CD86: variants seen among roughly 807,000 people sequenced by gnomAD.
The protein encoded by CD86 is T-lymphocyte activation antigen CD86.
Under a neutral mutation model 32.1 loss-of-function variants are expected in CD86, and 11 were observed. That is an observed-to-expected ratio of 0.34 (90% CI 0.22 to 0.57). The LOEUF (loss-of-function observed/expected upper bound fraction) is 0.57, where lower values mean the gene tolerates loss of function less well. CD86 is among the 20% of genes least tolerant of loss of function. The pLI, the probability that CD86 is intolerant of heterozygous loss-of-function variation, is 0.86. For synonymous variants in CD86, 137 were observed against 135.3 expected, an observed-to-expected ratio of 1.01 and a Z score of -0.09; for missense variants, 359 against 398.4, an observed-to-expected ratio of 0.90 and a Z score of 0.84.
At chr3:122,106,991 C>T (rs1219845484) in intron 4 of CD86, among the ~76,000 whole-genome samples, 1 of 152,022 alleles carries the variant, frequency 6.6e-6, no homozygotes, top group Non-Finnish European at 1.5e-5. Flanking sequence ...TGAGGACCTT[C>T]CAATAGAATC....
chr3:122,075,993 G>C (rs2072549641), intron 1 of CD86, among the ~76,000 whole-genome samples: 1 of 152,142 alleles, frequency 6.6e-6, no homozygotes, highest in Admixed American at 6.5e-5. Flanking sequence ...GCTCAGAGAG[G>C]TTAAATAACT....
At chr3:122,057,145 G>A (rs2072249718) in intron 1 of CD86, among the ~76,000 whole-genome samples, 1 of 152,188 alleles carries the variant, frequency 6.6e-6, no homozygotes, top group Non-Finnish European at 1.5e-5. Context: ...TTGTACCCTA[G>A]TTGCGCACTA....
chr3:122,103,696 G>A lies in CD86; in HGVS notation c.249G>A (p.Met83Ile), dbSNP rs1030574173. Residue 83 changes from methionine to isoleucine, a missense_variant, in exon 3 of 7, where the codon ATG (methionine) becomes ATA (isoleucine). Met to Ile is a conservative substitution (Grantham distance 10, BLOSUM62 1). Coordinates refer to ENST00000330540, the MANE Select transcript of CD86 (RefSeq NM_175862.5). ...EKFDSVHSKY[M>I]GRTSFDSDSW... ...TTGACAGTGTTCATTCCAAGTATATGGGCCGCACAAGTTTTGATTCGGACA... is the reference window on the plus strand; with the variant it reads ...TTGACAGTGTTCATTCCAAGTATATAGGCCGCACAAGTTTTGATTCGGACA... The A allele has an allele frequency of 3.1e-6, 5 of 1,613,930 alleles. No homozygotes were observed. The African/African-American group carries it at 6.7e-5, about 22-fold the overall frequency.
chr3:122,095,920 G>C (rs2072900183), intron 2 of CD86, among the ~76,000 whole-genome samples: 3 of 152,162 alleles, frequency 2.0e-5, no homozygotes, highest in African/African-American at 7.2e-5. Context: ...AGTGAAATTG[G>C]TATGGAACAG....
chr3:122,078,782 T>C (rs2072589459), intron 1 of CD86, among the ~76,000 whole-genome samples: 1 of 152,216 alleles, frequency 6.6e-6, no homozygotes, highest in Non-Finnish European at 1.5e-5. Flanking sequence ...AAATAGTTTT[T>C]GACAAAGGGA....
chr3:122,112,419 C>T (rs756731077), intron 5 of CD86, among the ~76,000 whole-genome samples: 9 of 151,972 alleles, frequency 5.9e-5, no homozygotes, highest in Admixed American at 2.6e-4. Flanking sequence ...CAGGTTCAAG[C>T]GATTCTCCTG....
intron 1 of CD86, among the ~76,000 whole-genome samples, chr3:122,079,808 A>G (rs549789261): frequency 3.9e-5 from 6 of 152,204 alleles, no homozygotes; most frequent in Admixed American, 6.5e-5. Context: ...TGAGACCTCA[A>G]CACCGGGAAG....
At chr3:122,071,118 T>C (rs1327484066) in intron 1 of CD86, among the ~76,000 whole-genome samples, 2 of 152,234 alleles carry the variant, frequency 1.3e-5, no homozygotes, top group African/African-American at 4.8e-5. Flanking sequence ...CCATTGTTGC[T>C]TCATTATTAT....
intron 2 of CD86, among the ~76,000 whole-genome samples, chr3:122,101,571 A>G (rs1422190769): frequency 6.7e-6 from 1 of 149,632 alleles, no homozygotes; most frequent in African/African-American, 2.5e-5. Context: ...GCAGCTAAAG[A>G]CGAAGTCATT....
chr3:122,055,389 G>GT lies in CD86; in HGVS notation c.-101_-100insT. On this transcript the variant is annotated 5_prime_UTR_variant, in exon 1 of 7. Coordinates refer to ENST00000330540, the MANE Select transcript of CD86 (RefSeq NM_175862.5). The stretch of plus-strand genomic sequence containing the variant: ...TCATTGCCGAGGAAGGCTTGCACAG[G>GT]GTGAAAGCTTTGCTTCTCTGCTGCT... 8.6e-7 allele frequency: 1 copy of GT among 1,163,876 alleles called. No individual in the cohort carries two copies. The highest frequency in any genetic ancestry group is 1.2e-5 in the South Asian group (1 of 80,668). 72.1% of individuals were successfully genotyped at this position (1,163,876 alleles called of 1,614,324 possible).
chr3:122,077,722 C>T (rs2072573660), intron 1 of CD86: 35 of 980,884 alleles, frequency 3.6e-5, no homozygotes, highest in Non-Finnish European at 4.2e-5. Flanking sequence ...CAGGGCTTTA[C>T]ACTCATGCTC....
Position 122,103,530 on chromosome 3 carries a change from T to C in CD86, c.83T>C (p.Ile28Thr), listed in dbSNP as rs539519506. 1 of 1,612,068 alleles carries C rather than the reference T, an allele frequency of 6.2e-7. No individual in the cohort carries two copies. Among genetic ancestry groups the C allele is most frequent in the Non-Finnish European group, 8.5e-7 (1 of 1,179,018 alleles). ...FLLSGAAPLK[I>T]QAYFNETADL... ...TTTTTAGGTGCTGCTCCTCTGAAGA[T>C]TCAAGCTTATTTCAATGAGACTGCA... Residue 28 changes from isoleucine (I) to threonine (T), a missense_variant, in exon 3 of 7, where the codon ATT (isoleucine) becomes ACT (threonine). Transcript: ENST00000330540.
chr3:122,061,713 G>A (rs894498488), intron 1 of CD86, among the ~76,000 whole-genome samples: 12 of 152,212 alleles, frequency 7.9e-5, no homozygotes, highest in Non-Finnish European at 1.5e-4. Context: ...AGGATGCGGA[G>A]AAACTGGATC....
rs374285784 is a variant in CD86, at chr3:122,059,038, G to A, written c.14+3535G>A. On this transcript the variant is annotated intron_variant, in intron 1 of 6. Coordinates refer to ENST00000330540, the MANE Select transcript of CD86 (RefSeq NM_175862.5). ...GGTATAGGAAGCAGAGTGGGTTTGC[G>A]CCAGGCAGAGAGAAAAGACAGATGG... Among the ~76,000 whole-genome samples the A allele has an allele frequency of 5.3e-5, 8 of 152,234 alleles. No individual in the cohort carries two copies. The East Asian group carries it at 5.8e-4, about 11-fold the overall frequency.
At chr3:122,066,329 C>T (rs2072412514) in intron 1 of CD86, among the ~76,000 whole-genome samples, 1 of 152,102 alleles carries the variant, frequency 6.6e-6, no homozygotes, top group Non-Finnish European at 1.5e-5. Flanking sequence ...GTGCATAGCT[C>T]AGAGTAGGAA....
At chr3:122,090,361 A>G (rs1303856368) in intron 1 of CD86, among the ~76,000 whole-genome samples, 1 of 152,238 alleles carries the variant, frequency 6.6e-6, no homozygotes, top group Non-Finnish European at 1.5e-5. Flanking sequence ...ATAGTTGTGC[A>G]TCTTTTCCTG....
At chr3:122,079,080 A>G (rs2072594237) in intron 1 of CD86, among the ~76,000 whole-genome samples, 1 of 152,258 alleles carries the variant, frequency 6.6e-6, no homozygotes. Context: ...TAAAAGACAT[A>G]AGGAAAAGCT....
intron 1 of CD86, chr3:122,078,041 G>A (rs2107513510): frequency 4.1e-6 from 4 of 985,642 alleles, no homozygotes; most frequent in South Asian, 4.7e-5. Flanking sequence ...AGGCATTTGT[G>A]ACAGGTATGT....
At chr3:122,090,602 T>C (rs1318847340) in intron 1 of CD86, among the ~76,000 whole-genome samples, 1 of 152,166 alleles carries the variant, frequency 6.6e-6, no homozygotes, top group Non-Finnish European at 1.5e-5. Flanking sequence ...CACCTGTTTC[T>C]CATGTTGGTC....
Sources: allele counts gnomAD v4.1 joint callset (sites outside exome capture counted in the v4.1 genomes callset), GRCh38; gene constraint gnomAD v4.1.1; transcripts MANE v1.5; gene names NCBI Gene and HGNC (gene_info 2026-07-23, HGNC 2026-07-21).